WWOX: variants seen among roughly 807,000 people sequenced by gnomAD.
WWOX encodes WW domain containing oxidoreductase.
WWOX carries 69 observed loss-of-function variants against 46.2 expected under a neutral mutation model. That is an observed-to-expected ratio of 1.49 (90% CI 1.23 to 1.82). WWOX has a LOEUF of 1.82. Among genes scored for constraint, WWOX ranks in the 40% most tolerant of loss-of-function variants. The pLI is 0.00. For synonymous variants in WWOX, 359 were observed against 202.6 expected, an observed-to-expected ratio of 1.77 and a Z score of -6.56; for missense variants, 919 against 542.6, an observed-to-expected ratio of 1.69 and a Z score of -6.89.
chr16:78,976,083 C>T (rs1248527811), intron 8 of WWOX, among the ~76,000 whole-genome samples: 1 of 152,186 alleles, frequency 6.6e-6, no homozygotes, highest in Non-Finnish European at 1.5e-5. Flanking sequence ...CATTGTTATT[C>T]CATCCGAATG....
chr16:79,016,785 G>C (rs2047422047), intron 8 of WWOX: 1 of 152,220 alleles, frequency 6.6e-6, no homozygotes, highest in African/African-American at 2.4e-5. Context: ...GGCCCACCCA[G>C]TCCTTCTTAG....
At chr16:78,179,867 A>G (rs1025949286) in intron 5 of WWOX, 1 of 152,152 alleles carries the variant, frequency 6.6e-6, no homozygotes, top group African/African-American at 2.4e-5. Context: ...GCGCCTGGTC[A>G]ATTGGAGGGA....
intron 8 of WWOX, among the ~76,000 whole-genome samples, chr16:78,858,372 A>G (rs932564080): frequency 1.6e-4 from 24 of 151,992 alleles, no homozygotes; most frequent in African/African-American, 5.8e-4. Flanking sequence ...GTGTGTATGT[A>G]TATATATGTA....
chr16:78,415,264 G>C (rs1195427375), intron 6 of WWOX, among the ~76,000 whole-genome samples: 1 of 152,064 alleles, frequency 6.6e-6, no homozygotes, highest in African/African-American at 2.4e-5. Flanking sequence ...CACTGTCATG[G>C]TGCTGGTGGG....
intron 8 of WWOX, among the ~76,000 whole-genome samples, chr16:78,499,234 G>A (rs529681153): frequency 3.3e-5 from 5 of 151,796 alleles, no homozygotes; most frequent in Non-Finnish European, 5.9e-5. Flanking sequence ...CTTTGGGGGG[G>A]TGAGGGGGCG....
At chr16:78,739,487 G>T (rs1390933089) in intron 8 of WWOX, among the ~76,000 whole-genome samples, 1 of 152,126 alleles carries the variant, frequency 6.6e-6, no homozygotes, top group Admixed American at 6.5e-5. Flanking sequence ...GGTGACAACA[G>T]GTCGGTAAGA....
chr16:78,169,388 A>G (rs1215122719), intron 5 of WWOX, among the ~76,000 whole-genome samples: 2 of 150,742 alleles, frequency 1.3e-5, no homozygotes, highest in Admixed American at 6.6e-5. Flanking sequence ...TCCTTTACCC[A>G]GTATCTATTG....
chr16:78,955,860 T>C (rs1385491465), intron 8 of WWOX, among the ~76,000 whole-genome samples: 1 of 151,710 alleles, frequency 6.6e-6, no homozygotes, highest in Non-Finnish European at 1.5e-5. Flanking sequence ...CCCAGGCTGG[T>C]CTCTAATTCC....
At chr16:79,193,338 T>G (rs2150812805) in intron 8 of WWOX, among the ~76,000 whole-genome samples, 1 of 152,348 alleles carries the variant, frequency 6.6e-6, no homozygotes, top group South Asian at 2.1e-4. Flanking sequence ...ATCTCAGCAC[T>G]AAGCCTGGAA....
chr16:78,695,162 T>A (rs543193648), intron 8 of WWOX, among the ~76,000 whole-genome samples: 1 of 152,318 alleles, frequency 6.6e-6, no homozygotes, highest in South Asian at 2.1e-4. Flanking sequence ...ATATGAACAT[T>A]TGTTGTCAAA....
intron 8 of WWOX, among the ~76,000 whole-genome samples, chr16:78,680,314 T>G (rs1597436654): frequency 6.6e-6 from 1 of 151,710 alleles, no homozygotes; most frequent in African/African-American, 2.4e-5. Context: ...AAGGCTGAGG[T>G]GGGAGGATTG....
intron 8 of WWOX, among the ~76,000 whole-genome samples, chr16:78,819,970 T>C (rs1015070037): frequency 6.6e-6 from 1 of 152,344 alleles, no homozygotes; most frequent in Admixed American, 6.5e-5. Context: ...ATACTCTTAG[T>C]TTGATATCAA....
intron 8 of WWOX, among the ~76,000 whole-genome samples, chr16:79,024,640 T>A (rs1270848360): frequency 6.6e-6 from 1 of 152,078 alleles, no homozygotes; most frequent in Non-Finnish European, 1.5e-5. Context: ...TTTCACCATG[T>A]TAGCCAGGAT....
intron 6 of WWOX, among the ~76,000 whole-genome samples, chr16:78,410,253 C>G (rs759932647): frequency 1.3e-5 from 2 of 152,188 alleles, no homozygotes; most frequent in Non-Finnish European, 2.9e-5. Flanking sequence ...AATTAAATCT[C>G]TTTTCATTAT....
At chr16:78,639,534 G>C (rs936062967) in intron 8 of WWOX, among the ~76,000 whole-genome samples, 2 of 151,944 alleles carry the variant, frequency 1.3e-5, no homozygotes, top group Non-Finnish European at 2.9e-5. Context: ...GATGGAGAGA[G>C]AGGCCTCCCC....
chr16:78,641,236 ATT>A (rs145952067), intron 8 of WWOX, among the ~76,000 whole-genome samples: 10 of 149,462 alleles, frequency 6.7e-5, no homozygotes, highest in African/African-American at 2.5e-4. Context: ...CCCCCAGGAG[ATT>A]TTTTTTTTCT....
intron 8 of WWOX, among the ~76,000 whole-genome samples, chr16:78,945,578 T>C (rs989629275): frequency 2.0e-5 from 3 of 152,206 alleles, no homozygotes; most frequent in Admixed American, 2.0e-4. Context: ...TCTTTTGGTT[T>C]TTTCTCTCTT....
chr16:78,635,994 A>T (rs1025154053), intron 8 of WWOX, among the ~76,000 whole-genome samples: 1 of 152,170 alleles, frequency 6.6e-6, no homozygotes, highest in Non-Finnish European at 1.5e-5. Flanking sequence ...ACAATTCCGT[A>T]ACTCATCCTG....
intron 5 of WWOX, among the ~76,000 whole-genome samples, chr16:78,371,801 ATTTATCT>A (rs1255580957): frequency 1.3e-5 from 2 of 151,476 alleles, no homozygotes; most frequent in African/African-American, 4.8e-5. Flanking sequence ...TATCTTTATC[ATTTATCT>A]TTTATCTTTA....
Sources: allele counts gnomAD v4.1 joint callset (sites outside exome capture counted in the v4.1 genomes callset), GRCh38; gene constraint gnomAD v4.1.1; transcripts MANE v1.5; gene names NCBI Gene and HGNC (gene_info 2026-07-23, HGNC 2026-07-21).